TANC1: variants seen among roughly 807,000 people sequenced by gnomAD.
The protein encoded by TANC1 is tetratricopeptide repeat, ankyrin repeat and coiled-coil containing 1.
TANC1 carries 77 observed loss-of-function variants against 149.7 expected under a neutral mutation model. The observed-to-expected ratio is 0.51, with a 90% CI of 0.43 to 0.62. The LOEUF (loss-of-function observed/expected upper bound fraction) is 0.62, where lower values mean the gene tolerates loss of function less well. TANC1 is among the 20% of genes least tolerant of loss of function. TANC1 has a pLI of 0.00. For synonymous variants in TANC1, 854 were observed against 925.0 expected, an observed-to-expected ratio of 0.92 and a Z score of 1.39; for missense variants, 1,985 against 2,321.8, an observed-to-expected ratio of 0.85 and a Z score of 2.98.
chr2:159,099,291 GTCCT>G (rs940438213), intron 4 of TANC1, among the ~76,000 whole-genome samples: 14 of 152,072 alleles, frequency 9.2e-5, no homozygotes, highest in African/African-American at 3.4e-4. Context: ...TGGAATGTCC[GTCCT>G]TCCTTCTTTG....
At chr2:159,152,849 G>A (rs1383621493) in intron 7 of TANC1, among the ~76,000 whole-genome samples, 1 of 152,136 alleles carries the variant, frequency 6.6e-6, no homozygotes, top group Non-Finnish European at 1.5e-5. Context: ...GAGATACAGT[G>A]CCACAATTTT....
intron 4 of TANC1, among the ~76,000 whole-genome samples, chr2:159,111,802 G>A (rs543303071): frequency 1.3e-5 from 2 of 152,312 alleles, no homozygotes; most frequent in East Asian, 3.9e-4. Flanking sequence ...AACACAGCGA[G>A]TATTATGGAG....
intron 7 of TANC1, among the ~76,000 whole-genome samples, chr2:159,159,330 T>G (rs1296813967): frequency 1.3e-5 from 2 of 151,734 alleles, no homozygotes; most frequent in Non-Finnish European, 2.9e-5. Flanking sequence ...TCCCAGCTAC[T>G]TAGGGGGCTG....
intron 16 of TANC1, among the ~76,000 whole-genome samples, chr2:159,191,604 A>G (rs957500448): frequency 2.6e-5 from 4 of 152,186 alleles, no homozygotes; most frequent in Non-Finnish European, 5.9e-5. Context: ...CCTGTATCAC[A>G]GAGGTTCAAG....
chr2:159,019,143 G>A lies in TANC1; in HGVS notation c.-16+17954G>A, dbSNP rs191906543. On this transcript the variant is annotated intron_variant, in intron 2 of 26. Transcript: ENST00000263635. The stretch of plus-strand genomic sequence containing the variant: ...CTTAAGATACAGGCATGGCTGGTGT[G>A]CAGCAGAGCCGGGATTGCAGGTCAG... Among the ~76,000 whole-genome samples, 5 of 152,306 alleles carry A rather than the reference G, an allele frequency of 3.3e-5. No individual in the cohort carries two copies. In the East Asian group the frequency reaches 9.7e-4, roughly 29 times the overall value.
At chr2:159,174,227 G>C (rs148698212) in intron 11 of TANC1, among the ~76,000 whole-genome samples, 1 of 152,022 alleles carries the variant, frequency 6.6e-6, no homozygotes, top group Non-Finnish European at 1.5e-5. Context: ...TGGCCCTTTC[G>C]TGGGGTCCCT....
intron 4 of TANC1, among the ~76,000 whole-genome samples, chr2:159,132,691 G>T (rs1341185973): frequency 6.9e-6 from 1 of 144,768 alleles, no homozygotes; most frequent in Non-Finnish European, 1.5e-5. Flanking sequence ...TAGAGATGGG[G>T]TTTCACTATG....
chr2:159,016,079 G>T (rs908726166), intron 2 of TANC1, among the ~76,000 whole-genome samples: 1 of 152,162 alleles, frequency 6.6e-6, no homozygotes, highest in Non-Finnish European at 1.5e-5. Context: ...TTTTCACACT[G>T]CTGATAAAGA....
chr2:159,146,270 G>A (rs1559343694), intron 5 of TANC1, among the ~76,000 whole-genome samples: 2 of 152,312 alleles, frequency 1.3e-5, no homozygotes, highest in African/African-American at 4.8e-5. Context: ...AGCTTCATTG[G>A]ATTAAGGAAT....
chr2:159,041,531 C>G (rs371680713), intron 2 of TANC1, among the ~76,000 whole-genome samples: 3 of 152,210 alleles, frequency 2.0e-5, no homozygotes, highest in Admixed American at 2.0e-4. Flanking sequence ...CCTTGCAGCT[C>G]GATCTCGGAC....
At chr2:159,202,786 C>T (rs1277277533) in intron 19 of TANC1, among the ~76,000 whole-genome samples, 2 of 152,102 alleles carry the variant, frequency 1.3e-5, no homozygotes, top group African/African-American at 2.4e-5. Context: ...ATGGTGAGAA[C>T]CCACCAGATG....
intron 2 of TANC1, among the ~76,000 whole-genome samples, chr2:159,014,522 C>T (rs1159350750): frequency 1.3e-5 from 2 of 152,150 alleles, no homozygotes; most frequent in East Asian, 1.9e-4. Context: ...AAGCTCATGT[C>T]CTCACATTTC....
At chr2:159,033,813 C>T (rs2039969974) in intron 2 of TANC1, among the ~76,000 whole-genome samples, 1 of 152,182 alleles carries the variant, frequency 6.6e-6, no homozygotes, top group Non-Finnish European at 1.5e-5. Flanking sequence ...AGGTCACATT[C>T]AACCTGCATG....
intron 3 of TANC1, among the ~76,000 whole-genome samples, chr2:159,083,876 A>AT (rs544957246): frequency 0.024 from 3,523 of 147,526 alleles, 115 homozygotes; most frequent in African/African-American, 0.075. Flanking sequence ...TGAGCAGTGA[A>AT]TTTTTTTTTT....
chr2:159,042,462 T>A (rs765016934), intron 2 of TANC1, among the ~76,000 whole-genome samples: 1 of 152,104 alleles, frequency 6.6e-6, no homozygotes, highest in African/African-American at 2.4e-5. Context: ...AGCTCCTTGT[T>A]GGAATCTTTC....
At chr2:159,220,710 C>T (rs2059651422) in intron 22 of TANC1, among the ~76,000 whole-genome samples, 1 of 152,050 alleles carries the variant, frequency 6.6e-6, no homozygotes, top group Non-Finnish European at 1.5e-5. Flanking sequence ...CCCACCTCAG[C>T]CCCCTGAGTA....
Position 159,230,245 on chromosome 2 carries a change from G to A in TANC1, c.4819G>A (p.Val1607Ile), listed in dbSNP as rs369551113. 1 of 1,613,860 alleles carries A rather than the reference G, an allele frequency of 6.2e-7. No individual in the cohort carries two copies. Among genetic ancestry groups the A allele is most frequent in the African/African-American group, 1.3e-5 (1 of 74,940 alleles). Residue 1607 changes from valine to isoleucine, a missense_variant, in exon 27 of 27, where the codon GTC (valine) becomes ATC (isoleucine). Coordinates refer to ENST00000263635, the MANE Select transcript of TANC1 (RefSeq NM_033394.3). This position sits in a 1 kb window ranked among gnomAD's most constrained non-coding sequence, Gnocchi z 4.4. ...FGDRLGPSQN[V>I]RLQCGENGPA... ...GGATCGGCTGGGCCCCAGCCAGAATGTCCGCCTGCAGTGTGGTGAGAATGG... is the reference window on the plus strand; with the variant it reads ...GGATCGGCTGGGCCCCAGCCAGAATATCCGCCTGCAGTGTGGTGAGAATGG...
intron 2 of TANC1, among the ~76,000 whole-genome samples, chr2:159,063,867 G>C (rs2042447157): frequency 6.6e-6 from 1 of 152,094 alleles, no homozygotes; most frequent in African/African-American, 2.4e-5. Context: ...GAGTGGCCTG[G>C]TAGGTGTACT....
chr2:159,018,721 C>A (rs535182935), intron 2 of TANC1, among the ~76,000 whole-genome samples: 2 of 152,016 alleles, frequency 1.3e-5, no homozygotes, highest in Non-Finnish European at 2.9e-5. Context: ...CTAGGTATTG[C>A]GTACAGTAGA....
Sources: allele counts gnomAD v4.1 joint callset (sites outside exome capture counted in the v4.1 genomes callset), GRCh38; gene constraint gnomAD v4.1.1; non-coding constraint Gnocchi (gnomAD v3.1); transcripts MANE v1.5; gene names NCBI Gene and HGNC (gene_info 2026-07-23, HGNC 2026-07-21).